Variants in ARHGAP26 observed in about 807,000 individuals in gnomAD.
ARHGAP26 encodes the protein rho GTPase-activating protein 26.
Under a neutral mutation model 104.8 loss-of-function variants are expected in ARHGAP26, and 38 were observed. The observed-to-expected ratio is 0.36, with a 90% CI of 0.28 to 0.48. The LOEUF is 0.48. Among genes scored for constraint, ARHGAP26 ranks in the 20% least tolerant of loss-of-function variants. The probability of loss-of-function intolerance (pLI) is 0.99; values close to 1 mark genes in which losing one functional copy is unlikely to be tolerated. For synonymous variants in ARHGAP26, 341 were observed against 340.0 expected, an observed-to-expected ratio of 1.00 and a Z score of -0.03; for missense variants, 704 against 947.9, an observed-to-expected ratio of 0.74 and a Z score of 3.38.
chr5:142,950,840 C>T (rs1243964915), intron 11 of ARHGAP26, among the ~76,000 whole-genome samples: 1 of 152,182 alleles, frequency 6.6e-6, no homozygotes, highest in East Asian at 1.9e-4. Context: ...GGAAGGCTAG[C>T]ATCTGTCAAG....
intron 12 of ARHGAP26, among the ~76,000 whole-genome samples, chr5:143,019,762 C>T (rs570722671): frequency 5.9e-5 from 9 of 152,314 alleles, no homozygotes; most frequent in African/African-American, 2.2e-4. Context: ...GCCTACTTAA[C>T]TCTAAAAAGA....
chr5:143,189,769 C>T (rs1805653811), intron 20 of ARHGAP26, among the ~76,000 whole-genome samples: 1 of 152,096 alleles, frequency 6.6e-6, no homozygotes, highest in Non-Finnish European at 1.5e-5. Context: ...TTTTTCTCCT[C>T]CACCAGCCTG....
chr5:143,046,456 G>A (rs1784250066), intron 14 of ARHGAP26, among the ~76,000 whole-genome samples: 1 of 152,226 alleles, frequency 6.6e-6, no homozygotes, highest in South Asian at 2.1e-4. Context: ...TACTGATCAG[G>A]ATTCCTTAAG....
chr5:143,080,218 A>G (rs867649184), intron 17 of ARHGAP26, among the ~76,000 whole-genome samples: 1 of 152,226 alleles, frequency 6.6e-6, no homozygotes, highest in Admixed American at 6.5e-5. Flanking sequence ...AGTGCCCAAG[A>G]CAGAGTCCCT....
chr5:142,897,696 C>G (rs1482850435), intron 6 of ARHGAP26, among the ~76,000 whole-genome samples: 1 of 152,236 alleles, frequency 6.6e-6, no homozygotes, highest in Admixed American at 6.5e-5. Context: ...GTGTACCGTG[C>G]TAAGCGCTTT....
chr5:143,130,934 A>T (rs575592028), intron 18 of ARHGAP26, among the ~76,000 whole-genome samples: 57 of 152,336 alleles, frequency 3.7e-4, no homozygotes, highest in African/African-American at 1.2e-3. Flanking sequence ...GACATTTTGC[A>T]GTGTGCTTCC....
At chr5:142,946,836 C>T (rs1767186459) in intron 11 of ARHGAP26, 1 of 152,074 alleles carries the variant, frequency 6.6e-6, no homozygotes, top group African/African-American at 2.4e-5. Context: ...CAAAATCCTG[C>T]CCCATGACCT....
At chr5:142,794,053 C>T (rs1760443951) in intron 1 of ARHGAP26, among the ~76,000 whole-genome samples, 1 of 152,198 alleles carries the variant, frequency 6.6e-6, no homozygotes, top group South Asian at 2.1e-4. Flanking sequence ...TAACTGAAGA[C>T]CTGCCAGACT....
chr5:143,018,103 A>G (rs1779835332), intron 12 of ARHGAP26, among the ~76,000 whole-genome samples: 1 of 152,208 alleles, frequency 6.6e-6, no homozygotes, highest in South Asian at 2.1e-4. Context: ...AATGAATTTG[A>G]GCATCTATTC....
chr5:143,193,827 T>A (rs1047084643), intron 20 of ARHGAP26: 1 of 152,192 alleles, frequency 6.6e-6, no homozygotes, highest in African/African-American at 2.4e-5. Context: ...TTATTATGCT[T>A]AAATGTATAA....
intron 17 of ARHGAP26, among the ~76,000 whole-genome samples, chr5:143,117,478 T>C (rs1795619767): frequency 6.6e-6 from 1 of 152,156 alleles, no homozygotes; most frequent in African/African-American, 2.4e-5. Context: ...AAGTGATGGA[T>C]CAATTTATTA....
chr5:142,899,966 G>A (rs396482), intron 6 of ARHGAP26, among the ~76,000 whole-genome samples: 70,949 of 151,758 alleles, frequency 0.47, 20,108 homozygotes, highest in East Asian at 0.9. Flanking sequence ...TGTTTACTAT[G>A]AGTGAAGGAT....
At chr5:143,103,151 G>A (rs927148518) in intron 17 of ARHGAP26, 37 of 749,060 alleles carry the variant, frequency 4.9e-5, no homozygotes, top group South Asian at 1.2e-4. Context: ...CTGGTATGTC[G>A]TCTTCTTTAC....
At chr5:142,877,080 T>C (rs909379357) in intron 3 of ARHGAP26, among the ~76,000 whole-genome samples, 1 of 152,198 alleles carries the variant, frequency 6.6e-6, no homozygotes, top group African/African-American at 2.4e-5. Flanking sequence ...ATGAATACCC[T>C]GCAGATTGCT....
intron 1 of ARHGAP26, among the ~76,000 whole-genome samples, chr5:142,850,149 C>T (rs180721134): frequency 1.3e-4 from 20 of 152,220 alleles, no homozygotes; most frequent in Admixed American, 1.2e-3. Flanking sequence ...CCTGCTCTGC[C>T]TATGGCTTGT....
intron 17 of ARHGAP26, among the ~76,000 whole-genome samples, chr5:143,116,941 A>T (rs544555829): frequency 6.6e-4 from 101 of 152,326 alleles, no homozygotes; most frequent in African/African-American, 2.3e-3. Context: ...CATTCTGATG[A>T]TCACAGAAGA....
chr5:142,797,320 T>C (rs1761180412), intron 1 of ARHGAP26, among the ~76,000 whole-genome samples: 1 of 152,220 alleles, frequency 6.6e-6, no homozygotes, highest in African/African-American at 2.4e-5. Context: ...AGCCAGTGTT[T>C]TTATAATTAG....
intron 1 of ARHGAP26, among the ~76,000 whole-genome samples, chr5:142,840,372 T>A (rs1169871745): frequency 9.9e-5 from 15 of 152,242 alleles, no homozygotes; most frequent in Admixed American, 6.5e-5. Flanking sequence ...TTTCTTTTAG[T>A]AGGAAATAAA....
intron 1 of ARHGAP26, among the ~76,000 whole-genome samples, chr5:142,781,673 A>T (rs1236605225): frequency 1.3e-5 from 2 of 152,176 alleles, no homozygotes; most frequent in Admixed American, 1.3e-4. Context: ...CAATTTGAAT[A>T]TTCAAATAAA....
Sources: allele counts gnomAD v4.1 joint callset (sites outside exome capture counted in the v4.1 genomes callset), GRCh38; gene constraint gnomAD v4.1.1; transcripts MANE v1.5; gene names NCBI Gene and HGNC (gene_info 2026-07-23, HGNC 2026-07-21).